The following SHANK2 variants were observed in gnomAD, a reference collection of about 807,000 sequenced individuals.
SHANK2 encodes the protein SH3 and multiple ankyrin repeat domains protein 2.
In SHANK2, 43 loss-of-function variants were observed where a neutral mutation model predicts 133.7. The observed-to-expected ratio is 0.32, with a 90% CI of 0.25 to 0.41. The LOEUF is 0.41. Ranked by LOEUF, SHANK2 falls within the 10% of genes least tolerant of loss-of-function variation. The pLI, the probability that SHANK2 is intolerant of heterozygous loss-of-function variation, is 1.00. For missense variants in SHANK2, 1,994 were observed against 2,235.8 expected, an observed-to-expected ratio of 0.89 and a Z score of 2.18; for synonymous variants, 1,017 against 952.8, an observed-to-expected ratio of 1.07 and a Z score of -1.24.
chr11:71,159,570 C>T (rs1952969324), intron 2 of SHANK2, among the ~76,000 whole-genome samples: 1 of 152,144 alleles, frequency 6.6e-6, no homozygotes, highest in Non-Finnish European at 1.5e-5. Flanking sequence ...TTGTTATTTG[C>T]TCAATAAAAC....
chr11:70,524,230 CT>C (rs1554971691), intron 17 of SHANK2, among the ~76,000 whole-genome samples: 1 of 152,200 alleles, frequency 6.6e-6, no homozygotes, highest in East Asian at 1.9e-4. Flanking sequence ...GTCCCACCCC[CT>C]GGGGGGCAGT....
Position 70,486,730 on chromosome 11 carries a change from A to G in SHANK2, c.3563T>C (p.Val1188Ala). ...KAQGPESSPA[V>A]PSASSGTAGP... is the part of the protein sequence containing the mutation. Reference sequence around the variant, plus strand: ...GGCTGTGCCGCTGCTCGCGGAGGGCACTGCTGGGCTGCTCTCGGGCCCCTG... The same window carrying G: ...GGCTGTGCCGCTGCTCGCGGAGGGCGCTGCTGGGCTGCTCTCGGGCCCCTG... Residue 1188 changes from valine to alanine, a missense_variant, in exon 25 of 26, where the codon GTG becomes GCG. Physicochemically the swap from Val to Ala is moderately conservative, Grantham distance 64. Around this residue, in one of 5 missense-constraint regions of SHANK2, gnomAD observed 797 missense variants for 907.4 expected, o/e 0.88. Transcript: ENST00000601538. This position sits in a 1 kb window ranked among gnomAD's most constrained non-coding sequence, Gnocchi z 8.0. 6.2e-7 allele frequency: 1 copy of G among 1,610,468 alleles called. No individual in the cohort carries two copies. Among genetic ancestry groups the G allele is most frequent in the South Asian group, 1.1e-5 (1 of 91,052 alleles).
chr11:70,485,436 T>C lies in SHANK2; in HGVS notation c.4857A>G (p.Pro1619=). 6.2e-7 allele frequency: 1 copy of C among 1,614,048 alleles called. No homozygotes were observed. Among genetic ancestry groups the C allele is most frequent in the Non-Finnish European group, 8.5e-7 (1 of 1,180,030 alleles). ...TCAATTCACTAATAACGTTTGCCTT[T>C]GGGCCTGAGAGAATCGGGCTTTTGA... is the stretch of plus-strand genomic sequence containing the variant. ...TEIKSPILSG[P]KANVISELNS... Residue 1619 remains proline, a synonymous_variant, in exon 25 of 26, where the codon CCA becomes CCG. Coordinates refer to ENST00000601538, the MANE Select transcript of SHANK2 (RefSeq NM_012309.5). This position sits in a 1 kb window ranked among gnomAD's most constrained non-coding sequence, Gnocchi z 5.8.
At chr11:70,583,184 G>A (rs1591609891) in intron 17 of SHANK2, among the ~76,000 whole-genome samples, 1 of 152,178 alleles carries the variant, frequency 6.6e-6, no homozygotes, top group East Asian at 1.9e-4. Flanking sequence ...CTATCTACGG[G>A]CTCAGGTATG....
chr11:70,531,155 CAAAAAAAAAAAA>C (rs58867931), intron 17 of SHANK2, among the ~76,000 whole-genome samples: 6 of 88,160 alleles, frequency 6.8e-5, no homozygotes, highest in Non-Finnish European at 1.3e-4. Context: ...ACGACTGTCT[CAAAAAAAAAAAA>C]AAAAAAAAAA....
chr11:70,954,989 C>T (rs868990320), intron 10 of SHANK2, among the ~76,000 whole-genome samples: 45 of 152,356 alleles, frequency 3.0e-4, no homozygotes, highest in Admixed American at 2.0e-3. Flanking sequence ...TGCCCCCATG[C>T]ACTGAAAGGT....
chr11:71,168,042 G>A (rs1953218541), intron 2 of SHANK2, among the ~76,000 whole-genome samples: 1 of 142,780 alleles, frequency 7.0e-6, no homozygotes. Flanking sequence ...GCGGCTGCCA[G>A]GCGGAGGGGC....
chr11:71,248,300 C>A lies in SHANK2; in HGVS notation c.-113+4125G>T, dbSNP rs559107396. Among the ~76,000 whole-genome samples, 7 of 152,378 alleles carry A rather than the reference C, an allele frequency of 4.6e-5. No homozygotes were observed. In the East Asian group the frequency reaches 1.4e-3, roughly 29 times the overall value. On this transcript the variant is annotated intron_variant, in intron 1 of 25. Coordinates refer to ENST00000601538, the MANE Select transcript of SHANK2 (RefSeq NM_012309.5). ...CAACAATGGAAAACGTGGGGCACAT[C>A]AAGAAGTATGATGAGAAACTGGTTT... is the stretch of plus-strand genomic sequence containing the variant.
At chr11:71,110,079 T>C in intron 5 of SHANK2, 30 bp from the exon 6 acceptor site, 1 of 1,459,064 alleles carries the variant, frequency 6.9e-7, no homozygotes, top group Non-Finnish European at 9.4e-7. Context: ...AATTGAAACA[T>C]CTTTATAAGA....
At chr11:70,721,228 G>C (rs1946069192) in intron 14 of SHANK2, among the ~76,000 whole-genome samples, 1 of 152,208 alleles carries the variant, frequency 6.6e-6, no homozygotes, top group Non-Finnish European at 1.5e-5. Context: ...TTCATTTCAG[G>C]CGCATCACAC....
chr11:71,097,541 G>A (rs1394947035), intron 6 of SHANK2, among the ~76,000 whole-genome samples: 1 of 152,228 alleles, frequency 6.6e-6, no homozygotes, highest in African/African-American at 2.4e-5. Flanking sequence ...GTGAACAACG[G>A]GTGGGAGTAG....
chr11:71,133,496 G>A (rs1461103462), intron 3 of SHANK2, among the ~76,000 whole-genome samples: 2 of 151,678 alleles, frequency 1.3e-5, no homozygotes, highest in Non-Finnish European at 2.9e-5. Flanking sequence ...ATGGACGGAC[G>A]GATGGATGGC....
At chr11:71,100,884 A>T (rs1951706764) in intron 6 of SHANK2, among the ~76,000 whole-genome samples, 1 of 143,684 alleles carries the variant, frequency 7.0e-6, no homozygotes, top group South Asian at 2.3e-4. Flanking sequence ...AAAAAAAAAA[A>T]TCAGTGGTTA....
chr11:70,661,879 T>A, intron 15 of SHANK2: 1 of 1,460,340 alleles, frequency 6.8e-7, no homozygotes, highest in South Asian at 1.1e-5. Context: ...TAGGCGAGCG[T>A]GGCACAATGA....
intron 14 of SHANK2, among the ~76,000 whole-genome samples, chr11:70,797,577 G>A (rs2135216107): frequency 6.6e-6 from 1 of 152,286 alleles, no homozygotes; most frequent in Middle Eastern, 3.4e-3. Context: ...TGGCAGATCT[G>A]ATCAGGCGGC....
intron 2 of SHANK2, among the ~76,000 whole-genome samples, chr11:71,178,069 C>G (rs910218640): frequency 3.9e-5 from 6 of 152,184 alleles, no homozygotes; most frequent in South Asian, 4.1e-4. Context: ...AGCAATTCCA[C>G]TCCTAGTTAT....
chr11:70,880,314 G>C (rs890043618), intron 11 of SHANK2, among the ~76,000 whole-genome samples: 1 of 152,218 alleles, frequency 6.6e-6, no homozygotes, highest in Non-Finnish European at 1.5e-5. Context: ...GAAGGGCTGT[G>C]GTCAGCTGGG....
At chr11:70,897,029 C>A (rs1436778974) in intron 10 of SHANK2, among the ~76,000 whole-genome samples, 1 of 152,202 alleles carries the variant, frequency 6.6e-6, no homozygotes, top group Non-Finnish European at 1.5e-5. Context: ...TAAAACTCAT[C>A]AGATTTCAGT....
chr11:70,626,332 T>A (rs1232638817), intron 17 of SHANK2, among the ~76,000 whole-genome samples: 2 of 152,132 alleles, frequency 1.3e-5, no homozygotes, highest in African/African-American at 4.8e-5. Flanking sequence ...ACCCACAATA[T>A]CTGCACTGAC....
Sources: gnomAD v4.1 joint callset for allele counts (sites outside exome capture counted in the v4.1 genomes callset) on GRCh38, gnomAD v4.1.1 for gene constraint, gnomAD v4.1.1 regional missense constraint, Gnocchi (gnomAD v3.1) non-coding constraint, MANE v1.5 for transcripts, NCBI Gene and HGNC (gene_info 2026-07-23, HGNC 2026-07-21) for gene names.